Variants in SLC49A4 observed in about 807,000 individuals in gnomAD.
SLC49A4 encodes solute carrier family 49 member 4.
A neutral mutation model predicts 50.6 loss-of-function variants in SLC49A4; 36 were observed. The ratio of observed to expected loss-of-function variants is 0.71; its 90% CI spans 0.55 to 0.94. The LOEUF (loss-of-function observed/expected upper bound fraction) is 0.94, where lower values mean the gene tolerates loss of function less well. Among genes scored for constraint, SLC49A4 ranks in the 40% least tolerant of loss-of-function variants. The pLI, the probability that SLC49A4 is intolerant of heterozygous loss-of-function variation, is 0.00. For synonymous variants in SLC49A4, 248 were observed against 241.2 expected, an observed-to-expected ratio of 1.03 and a Z score of -0.26; for missense variants, 503 against 605.7, an observed-to-expected ratio of 0.83 and a Z score of 1.78.
At chr3:122,851,853 T>C (rs540613974) in intron 5 of SLC49A4, among the ~76,000 whole-genome samples, 1 of 152,306 alleles carries the variant, frequency 6.6e-6, no homozygotes, top group South Asian at 2.1e-4. Context: ...TATGACATAT[T>C]CTTTTTCCTT....
rs557885086 is a variant in SLC49A4 at position 122,795,075 on chromosome 3, G to C, written c.-118G>C. 20 of 1,176,984 alleles carry C rather than the reference G, an allele frequency of 1.7e-5. No individual in the cohort carries two copies. Among genetic ancestry groups the C allele is most frequent in the African/African-American group, 1.6e-4 (10 of 62,862 alleles). The allele number at this position is 1,176,984 out of a possible 1,614,324, so 72.9% of individuals were successfully genotyped here. On this transcript the variant is annotated 5_prime_UTR_variant, in exon 1 of 9. Coordinates refer to ENST00000261038, the MANE Select transcript of SLC49A4 (RefSeq NM_032839.3). The stretch of plus-strand genomic sequence containing the variant: ...GCGCAGGCGCACCAGGCGCGGTCCG[G>C]AGGCCGAGGGCGACCACAGCAGCCT...
At chr3:122,821,214 A>G (rs912732368) in intron 2 of SLC49A4, among the ~76,000 whole-genome samples, 3 of 152,122 alleles carry the variant, frequency 2.0e-5, no homozygotes, top group African/African-American at 7.2e-5. Context: ...TAAATTACTC[A>G]GTCTCGGGTA....
At position 122,809,250 on chromosome 3, in the gene SLC49A4, C is replaced by T. The variant is rs184179625; in HGVS notation, c.437+2300C>T. Among the ~76,000 whole-genome samples the T allele has an allele frequency of 2.6e-3, 398 of 152,274 alleles. 6 individuals are homozygous for T. Among genetic ancestry groups the T allele is most frequent in the Middle Eastern group, 0.02 (6 of 294 alleles). ...GGAGATAAGACAATCATCTAGGTTC[C>T]TATGGAAAGCTAGTCATAATTTTCC... On this transcript the variant is annotated intron_variant, in intron 2 of 8. Transcript: ENST00000261038.
chr3:122,832,895 A>C (rs896454476), intron 3 of SLC49A4, among the ~76,000 whole-genome samples: 1 of 152,062 alleles, frequency 6.6e-6, no homozygotes, highest in Non-Finnish European at 1.5e-5. Context: ...TACGTCTCAG[A>C]CTCAGTTGAT....
At position 122,879,393 on chromosome 3, in the gene SLC49A4, AG is replaced by A; in HGVS notation, c.*17del. The A allele has an allele frequency of 6.3e-7, 1 of 1,596,328 alleles. No individual in the cohort carries two copies. Among genetic ancestry groups the A allele is most frequent in the African/African-American group, 1.3e-5 (1 of 74,604 alleles). On this transcript the variant is annotated 3_prime_UTR_variant, in exon 9 of 9. Coordinates refer to ENST00000261038, the MANE Select transcript of SLC49A4 (RefSeq NM_032839.3). ...TCTCCGTTTAATAGCACAGACTTGA[AG>A]GAGTTTAAAAGGAGGCTGGAAATCA...
At chr3:122,844,643 G>A (rs933965200) in intron 4 of SLC49A4, among the ~76,000 whole-genome samples, 2 of 152,072 alleles carry the variant, frequency 1.3e-5, no homozygotes, top group African/African-American at 4.8e-5. Context: ...TTAGCTGGGT[G>A]TGCTGGCAGG....
At chr3:122,810,534 G>A (rs1349051304) in intron 2 of SLC49A4, among the ~76,000 whole-genome samples, 37 of 152,136 alleles carry the variant, frequency 2.4e-4, no homozygotes, top group Non-Finnish European at 5.1e-4. Flanking sequence ...ATATCTGCTC[G>A]TAATCATAGG....
chr3:122,879,056 A>G (rs1302304242), intron 8 of SLC49A4, among the ~76,000 whole-genome samples: 1 of 152,206 alleles, frequency 6.6e-6, no homozygotes. Context: ...ATTGATTAAA[A>G]ATATTCCACA....
intron 2 of SLC49A4, among the ~76,000 whole-genome samples, chr3:122,821,087 C>G (rs779333058): frequency 2.0e-5 from 3 of 152,226 alleles, no homozygotes; most frequent in Non-Finnish European, 4.4e-5. Context: ...CCCCTGCACA[C>G]ACTGTCTTGC....
intron 6 of SLC49A4, among the ~76,000 whole-genome samples, chr3:122,858,765 T>A (rs1326537176): frequency 1.3e-5 from 2 of 152,160 alleles, no homozygotes; most frequent in African/African-American, 4.8e-5. Context: ...AGCTATTCTA[T>A]AAGAGGAACA....
intron 7 of SLC49A4, among the ~76,000 whole-genome samples, chr3:122,864,187 T>C (rs750247079): frequency 1.4e-4 from 22 of 152,250 alleles, no homozygotes; most frequent in Non-Finnish European, 2.5e-4. Flanking sequence ...TACATTTACT[T>C]GCTTACATAT....
At chr3:122,876,054 C>A (rs1414139267) in intron 8 of SLC49A4, among the ~76,000 whole-genome samples, 3 of 150,904 alleles carry the variant, frequency 2.0e-5, no homozygotes, top group African/African-American at 2.4e-5. Context: ...AGGTCACTTT[C>A]AAAAAAAAAG....
chr3:122,820,386 T>C (rs946113888), intron 2 of SLC49A4, among the ~76,000 whole-genome samples: 3 of 152,348 alleles, frequency 2.0e-5, no homozygotes, highest in Non-Finnish European at 4.4e-5. Context: ...ATTAACTTTC[T>C]GGAAGGGGTT....
intron 8 of SLC49A4, among the ~76,000 whole-genome samples, chr3:122,875,805 A>G (rs1007155595): frequency 1.3e-5 from 2 of 152,164 alleles, no homozygotes; most frequent in African/African-American, 4.8e-5. Flanking sequence ...ATACAGACTA[A>G]CCCCAAAATG....
chr3:122,873,338 C>T (rs1937219456), intron 8 of SLC49A4, among the ~76,000 whole-genome samples: 1 of 152,098 alleles, frequency 6.6e-6, no homozygotes, highest in South Asian at 2.1e-4. Flanking sequence ...TGCCACCATG[C>T]CTGACTCATT....
rs534486019 is a variant in SLC49A4 at position 122,845,615 on chromosome 3, T to G, written c.834-148T>G. ...TGCTACCTTTCCAGCACGTTTTTTT[T>G]TTTTTTTTTTTTTGAGTTTTTAATG... On this transcript the variant is annotated intron_variant, in intron 4 of 8. Coordinates refer to ENST00000261038, the MANE Select transcript of SLC49A4 (RefSeq NM_032839.3). 510 of 387,726 alleles carry G rather than the reference T, an allele frequency of 1.3e-3. 1 individual carries two copies. The highest frequency in any genetic ancestry group is 0.011 in the African/African-American group (492 of 45,366). The allele number at this position is 387,726 out of a possible 1,614,324, so 24.0% of individuals were successfully genotyped here.
In SLC49A4 at chr3:122,879,476, A is replaced by G. The variant is rs975245130; in HGVS notation, c.*98A>G. 4.6e-6 allele frequency: 4 copies of G among 862,480 alleles called. No homozygotes were observed. The highest frequency in any genetic ancestry group is 7.3e-6 in the Non-Finnish European group (4 of 550,650). 53.4% of individuals were successfully genotyped at this position (862,480 alleles called of 1,614,324 possible). A position where few individuals can be genotyped will look rare whatever the true frequency, so the allele number is the denominator to read the frequency against. On this transcript the variant is annotated 3_prime_UTR_variant, in exon 9 of 9. Coordinates refer to ENST00000261038, the MANE Select transcript of SLC49A4 (RefSeq NM_032839.3). ...CACATCTAACAGGAAAAGAGGGAGA[A>G]GAAAGAAACTTCATTCAGAGGTTTT...
intron 1 of SLC49A4, among the ~76,000 whole-genome samples, chr3:122,797,561 A>G (rs1936064633): frequency 6.6e-6 from 1 of 152,256 alleles, no homozygotes; most frequent in Admixed American, 6.5e-5. Flanking sequence ...TGACTGCTGT[A>G]GAACTTCCAG....
At chr3:122,874,225 T>C (rs1282102986) in intron 8 of SLC49A4, among the ~76,000 whole-genome samples, 1 of 152,190 alleles carries the variant, frequency 6.6e-6, no homozygotes, top group Non-Finnish European at 1.5e-5. Context: ...CCTGACCATT[T>C]TGCCTGGCCA....
Sources: gnomAD v4.1 joint callset for allele counts (sites outside exome capture counted in the v4.1 genomes callset) on GRCh38, gnomAD v4.1.1 for gene constraint, MANE v1.5 for transcripts, NCBI Gene and HGNC (gene_info 2026-07-23, HGNC 2026-07-21) for gene names.